Variants in CTNND2 observed in about 807,000 individuals in gnomAD.
The protein encoded by CTNND2 is catenin delta 2, also known as catenin delta-2.
CTNND2 carries 22 observed loss-of-function variants against 144.4 expected under a neutral mutation model. The observed-to-expected ratio is 0.15, with a 90% CI of 0.11 to 0.22. The LOEUF (loss-of-function observed/expected upper bound fraction) is 0.22, where lower values mean the gene tolerates loss of function less well. Among genes scored for constraint, CTNND2 ranks in the 10% least tolerant of loss-of-function variants. The pLI is 1.00. For missense variants in CTNND2, 1,353 were observed against 1,618.8 expected, an observed-to-expected ratio of 0.84 and a Z score of 2.82; for synonymous variants, 751 against 695.6, an observed-to-expected ratio of 1.08 and a Z score of -1.25.
chr5:11,404,353 C>A (rs10053991), intron 5 of CTNND2, among the ~76,000 whole-genome samples: 11,639 of 152,106 alleles, frequency 0.077, 636 homozygotes, highest in African/African-American at 0.16. Context: ...ATCGATCTGG[C>A]CCTCCAGTAT....
chr5:11,301,270 G>T (rs187832507), intron 9 of CTNND2, among the ~76,000 whole-genome samples: 185 of 152,192 alleles, frequency 1.2e-3, no homozygotes, highest in African/African-American at 4.0e-3. Context: ...GCCCGCCTCT[G>T]CCTCCCAAAG....
chr5:11,856,027 T>C (rs1482165625), intron 1 of CTNND2, among the ~76,000 whole-genome samples: 1 of 152,196 alleles, frequency 6.6e-6, no homozygotes, highest in Non-Finnish European at 1.5e-5. Context: ...CATTAAGAAA[T>C]TGTGGTTAGT....
chr5:11,876,234 C>A, intron 1 of CTNND2, among the ~76,000 whole-genome samples: 1 of 138,692 alleles, frequency 7.2e-6, no homozygotes, highest in African/African-American at 2.7e-5. Context: ...AGGCGGGAGG[C>A]AGCAGGGAGG....
At chr5:11,786,660 A>G (rs1790852477) in intron 1 of CTNND2, among the ~76,000 whole-genome samples, 1 of 152,230 alleles carries the variant, frequency 6.6e-6, no homozygotes, top group Admixed American at 6.5e-5. Flanking sequence ...ATTTCGGACT[A>G]AAGAAACTGA....
intron 3 of CTNND2, among the ~76,000 whole-genome samples, chr5:11,449,447 G>A (rs546789182): frequency 6.6e-6 from 1 of 152,232 alleles, no homozygotes; most frequent in South Asian, 2.1e-4. Context: ...AACAAGATTT[G>A]GATCAGTCTT....
intron 5 of CTNND2, among the ~76,000 whole-genome samples, chr5:11,401,130 G>T (rs1228411351): frequency 1.3e-5 from 2 of 152,146 alleles, no homozygotes; most frequent in African/African-American, 4.8e-5. Flanking sequence ...AGATGTAGAG[G>T]TTGAAATGTT....
At chr5:11,271,937 A>T (rs992230406) in intron 9 of CTNND2, among the ~76,000 whole-genome samples, 2 of 152,178 alleles carry the variant, frequency 1.3e-5, no homozygotes, top group Non-Finnish European at 2.9e-5. Context: ...CTGTTTTGGG[A>T]ATTGTACAAA....
intron 3 of CTNND2, among the ~76,000 whole-genome samples, chr5:11,509,237 A>G (rs986940339): frequency 2.0e-5 from 3 of 152,200 alleles, no homozygotes; most frequent in Non-Finnish European, 4.4e-5. Context: ...GCATCAGTGA[A>G]CAGATTTGAG....
chr5:11,628,490 A>T (rs1781265590), intron 2 of CTNND2, among the ~76,000 whole-genome samples: 1 of 152,206 alleles, frequency 6.6e-6, no homozygotes. Context: ...CACAAAGAGT[A>T]TGTGACACAA....
chr5:11,705,555 G>A (rs990282955), intron 2 of CTNND2, among the ~76,000 whole-genome samples: 2 of 152,196 alleles, frequency 1.3e-5, no homozygotes, highest in Admixed American at 6.5e-5. Flanking sequence ...AGTAGTGAGA[G>A]AGGGGTTAAT....
At chr5:11,098,860 T>C in intron 14 of CTNND2, 112 bp from the exon 15 acceptor site, 1 of 982,470 alleles carries the variant, frequency 1.0e-6, no homozygotes, top group Non-Finnish European at 1.5e-6. Flanking sequence ...TCACATTTGC[T>C]GAACATAGAC....
intron 14 of CTNND2, among the ~76,000 whole-genome samples, chr5:11,109,246 T>A (rs990155588): frequency 6.6e-6 from 1 of 152,338 alleles, no homozygotes; most frequent in East Asian, 1.9e-4. Flanking sequence ...CAGGAGCTCG[T>A]AGTCTGGTGC....
chr5:11,489,217 G>A (rs947705740), intron 3 of CTNND2, among the ~76,000 whole-genome samples: 6 of 152,128 alleles, frequency 3.9e-5, no homozygotes, highest in African/African-American at 1.4e-4. Context: ...ACCTAGTACT[G>A]TTCTGTTTTT....
intron 2 of CTNND2, among the ~76,000 whole-genome samples, chr5:11,648,471 G>T (rs1782476090): frequency 6.6e-6 from 1 of 152,122 alleles, no homozygotes; most frequent in Non-Finnish European, 1.5e-5. Flanking sequence ...GGAATCTACA[G>T]ACCCACTTGG....
rs563112339 is a variant in CTNND2, at chr5:11,070,818, C to T, written c.2788+11878G>A. Among the ~76,000 whole-genome samples, 14 of 152,066 alleles carry T rather than the reference C, an allele frequency of 9.2e-5. No individual in the cohort carries two copies. The South Asian group carries it at 2.9e-3, about 32-fold the overall frequency. ...CATCAGACTTGCACTATAAAAAGTG[C>T]TAAAGGAGTTTCTTCAGGCAGAAGG... On this transcript the variant is annotated intron_variant, in intron 16 of 21. Coordinates refer to ENST00000304623, the MANE Select transcript of CTNND2 (RefSeq NM_001332.4).
chr5:11,170,628 T>C (rs1759810238), intron 11 of CTNND2, among the ~76,000 whole-genome samples: 2 of 151,990 alleles, frequency 1.3e-5, no homozygotes, highest in South Asian at 2.1e-4. Flanking sequence ...GTGGGAAGCA[T>C]GGAAGAAACA....
chr5:11,213,345 T>C (rs1738835985), intron 10 of CTNND2, among the ~76,000 whole-genome samples: 1 of 152,228 alleles, frequency 6.6e-6, no homozygotes, highest in South Asian at 2.1e-4. Context: ...GTCTGCTGGA[T>C]TTGACCACTA....
At chr5:11,762,222 T>C (rs1789305689) in intron 1 of CTNND2, among the ~76,000 whole-genome samples, 1 of 152,156 alleles carries the variant, frequency 6.6e-6, no homozygotes, top group Non-Finnish European at 1.5e-5. Flanking sequence ...TGAGTAACCC[T>C]TGTGCAGCAC....
At chr5:11,364,984 T>C (rs1443008406) in intron 7 of CTNND2, 94 bp from the exon 8 acceptor site, 25 of 1,057,406 alleles carry the variant, frequency 2.4e-5, no homozygotes, top group East Asian at 1.8e-4. Flanking sequence ...TTGGACAAAA[T>C]TGTTGAAATT....
Sources: gnomAD v4.1 joint callset for allele counts (sites outside exome capture counted in the v4.1 genomes callset) on GRCh38, gnomAD v4.1.1 for gene constraint, MANE v1.5 for transcripts, NCBI Gene and HGNC (gene_info 2026-07-23, HGNC 2026-07-21) for gene names.